The following CCDC73 variants were observed in gnomAD, a reference collection of about 807,000 sequenced individuals.
CCDC73 encodes coiled-coil domain-containing protein 73.
A neutral mutation model predicts 116.5 loss-of-function variants in CCDC73; 95 were observed. The observed-to-expected ratio is 0.82, with a 90% CI of 0.69 to 0.97. CCDC73 has a LOEUF of 0.97. Ranked by LOEUF, CCDC73 falls within the 50% of genes least tolerant of loss-of-function variation. The probability of loss-of-function intolerance (pLI) is 0.00; values close to 1 mark genes in which losing one functional copy is unlikely to be tolerated. For missense variants in CCDC73, 1,066 were observed against 1,206.8 expected (o/e 0.88, Z 1.73); for synonymous variants, 398 against 401.3 (o/e 0.99, Z 0.10).
chr11:32,645,457 A>C (rs1855770031), intron 12 of CCDC73, among the ~76,000 whole-genome samples: 1 of 151,462 alleles, frequency 6.6e-6, no homozygotes, highest in Non-Finnish European at 1.5e-5. Context: ...ACACTGGCTA[A>C]TTTTTGTATT....
chr11:32,794,396 T>G (rs956637965), intron 1 of CCDC73: 4 of 152,328 alleles, frequency 2.6e-5, no homozygotes, highest in African/African-American at 9.6e-5. Context: ...GATGCCTCAG[T>G]GTGGCTGCTT....
intron 1 of CCDC73, among the ~76,000 whole-genome samples, chr11:32,777,297 G>A (rs573968861): frequency 9.9e-5 from 15 of 151,490 alleles, no homozygotes; most frequent in African/African-American, 2.9e-4. Flanking sequence ...TAAAGATGGC[G>A]TTTTGCCATG....
chr11:32,769,807 A>T (rs923887668), intron 1 of CCDC73, among the ~76,000 whole-genome samples: 1 of 152,194 alleles, frequency 6.6e-6, no homozygotes, highest in African/African-American at 2.4e-5. Flanking sequence ...TCCTCCAAGA[A>T]GTCATTTTGA....
the CCDC73 span, among the ~76,000 whole-genome samples, chr11:32,815,316 A>C: frequency 1.3e-5 from 2 of 152,204 alleles, no homozygotes; most frequent in Admixed American, 1.3e-4. Flanking sequence ...ATCCATAACT[A>C]AAAGTGGTTG....
intron 1 of CCDC73, among the ~76,000 whole-genome samples, chr11:32,779,263 CAAAAAAAAA>C (rs34184527): frequency 1.8e-5 from 2 of 110,062 alleles, no homozygotes; most frequent in African/African-American, 6.9e-5. Context: ...TCATGTGGGG[CAAAAAAAAA>C]AAAAAAAAAA....
intron 2 of CCDC73, among the ~76,000 whole-genome samples, chr11:32,733,585 C>T (rs2133348097): frequency 6.6e-6 from 1 of 152,288 alleles, no homozygotes; most frequent in East Asian, 1.9e-4. Context: ...GACTACAGTG[C>T]AATCAAACTA....
intron 15 of CCDC73, 71 bp from the exon 16 acceptor site, chr11:32,615,013 A>C: frequency 4.7e-6 from 4 of 850,992 alleles, no homozygotes; most frequent in Non-Finnish European, 5.3e-6. Flanking sequence ...CATATTTATC[A>C]CCTATTTTTA....
chr11:32,801,180 G>A, the CCDC73 span, among the ~76,000 whole-genome samples: 1 of 152,182 alleles, frequency 6.6e-6, no homozygotes, highest in Non-Finnish European at 1.5e-5. Context: ...AAACTTTCTG[G>A]CAGACATCTG....
At chr11:32,696,338 CCTTCTATATAGGTCCAGTGTGCTA>C (rs1390281428) in intron 6 of CCDC73, among the ~76,000 whole-genome samples, 26 of 152,258 alleles carry the variant, frequency 1.7e-4, no homozygotes, top group African/African-American at 6.3e-4. Flanking sequence ...TACAACATTT[CCTTCTATATAGGTCCAGTGTGCTA>C]CTTGAATAAC....
chr11:32,749,610 G>T (rs943851075), intron 2 of CCDC73, among the ~76,000 whole-genome samples: 5 of 151,966 alleles, frequency 3.3e-5, no homozygotes, highest in African/African-American at 7.2e-5. Flanking sequence ...ATTGAAGAGT[G>T]GGGTATTTTT....
chr11:32,675,924 C>A lies in CCDC73; in HGVS notation c.527G>T (p.Gly176Val). 1 of 1,607,662 alleles carries A rather than the reference C, an allele frequency of 6.2e-7. No individual in the cohort carries two copies. The highest frequency in any genetic ancestry group is 8.5e-7 in the Non-Finnish European group (1 of 1,177,590). The change falls in exon 8 of 18, where the codon GGA becomes GTA. Residue 176 changes from glycine (G) to valine (V), a missense_variant. Physicochemically the swap from Gly to Val is moderately radical, Grantham distance 109. Transcript: ENST00000335185. The part of the protein sequence containing the change: ...KYYATITGQF[G>V]LVKENHEKLE... ...CTTTTCATGATTCTCTTTTACCAATCCAAATTGACCTGTTATTGTGGCATA... is the reference window on the plus strand; with the variant it reads ...CTTTTCATGATTCTCTTTTACCAATACAAATTGACCTGTTATTGTGGCATA...
upstream of CCDC73, among the ~76,000 whole-genome samples, chr11:32,799,237 C>T (rs1156733068): frequency 4.6e-5 from 7 of 151,766 alleles, no homozygotes; most frequent in Non-Finnish European, 7.4e-5. Context: ...GATTACAGGC[C>T]TGCGCCACCA....
the CCDC73 span, among the ~76,000 whole-genome samples, chr11:32,801,616 G>A: frequency 2.7e-5 from 4 of 149,322 alleles, no homozygotes; most frequent in African/African-American, 9.9e-5. Flanking sequence ...ACTCCAGCCT[G>A]GGCAACAGAG....
intron 9 of CCDC73, among the ~76,000 whole-genome samples, chr11:32,665,349 G>A (rs1226231353): frequency 1.3e-5 from 2 of 152,034 alleles, no homozygotes; most frequent in Non-Finnish European, 2.9e-5. Flanking sequence ...CTCCTGTATT[G>A]GGTGCATATA....
At chr11:32,773,096 G>C (rs879278195) in intron 1 of CCDC73, among the ~76,000 whole-genome samples, 2 of 152,138 alleles carry the variant, frequency 1.3e-5, no homozygotes, top group Admixed American at 1.3e-4. Context: ...ACAATAAGAA[G>C]GGGTGAAGTA....
chr11:32,638,654 T>C (rs901883995), intron 13 of CCDC73, among the ~76,000 whole-genome samples: 2 of 151,940 alleles, frequency 1.3e-5, no homozygotes, highest in Non-Finnish European at 2.9e-5. Context: ...AATTTTTGTA[T>C]TGTTAGTAGA....
At chr11:32,647,956 C>A (rs1855793000) in intron 12 of CCDC73, among the ~76,000 whole-genome samples, 1 of 152,168 alleles carries the variant, frequency 6.6e-6, no homozygotes, top group Admixed American at 6.5e-5. Context: ...TATCTAACAA[C>A]CAGCCCCCAC....
rs114376166 is a variant in CCDC73 at position 32,643,526 on chromosome 11, A to G, written c.940-1444T>C. ...CTATATAGTATAGCTTATTGCTCCT[A>G]TGCTACAAACCTGTACAGCATCTTT... On this transcript the variant is annotated intron_variant, in intron 12 of 17. Coordinates refer to ENST00000335185, the MANE Select transcript of CCDC73 (RefSeq NM_001008391.4). 7.1e-3 allele frequency among the ~76,000 whole-genome samples: 1,087 copies of G among 152,276 alleles called. 15 individuals carry two copies. Among genetic ancestry groups the G allele is most frequent in the African/African-American group, 0.025 (1,048 of 41,588 alleles).
Position 32,699,296 on chromosome 11 carries a change from C to G in CCDC73, c.345G>C (p.Lys115Asn). Reference sequence around the variant, plus strand: ...CCTTCAATCCTTCTATTTCTTTTTCCTTTATTTCTGTAGCAAGTTGATATT... The same window carrying G: ...CCTTCAATCCTTCTATTTCTTTTTCGTTTATTTCTGTAGCAAGTTGATATT... ...KGKYQLATEI[K>N]EKEIEGLKET... is the part of the protein sequence containing the mutation. Residue 115 changes from lysine (K) to asparagine (N), a missense_variant, in exon 6 of 18, where the codon AAG becomes AAC. Lys to Asn is a moderately conservative substitution (Grantham distance 94). Transcript: ENST00000335185. The G allele has an allele frequency of 6.4e-7, 1 of 1,574,712 alleles. No individual in the cohort carries two copies. Among genetic ancestry groups the G allele is most frequent in the Non-Finnish European group, 8.6e-7 (1 of 1,156,354 alleles).
Sources: gnomAD v4.1 joint callset for allele counts (sites outside exome capture counted in the v4.1 genomes callset) on GRCh38, gnomAD v4.1.1 for gene constraint, MANE v1.5 for transcripts, NCBI Gene and HGNC (gene_info 2026-07-23, HGNC 2026-07-21) for gene names.